ZFPM2: variants seen among roughly 807,000 people sequenced by gnomAD.
The protein encoded by ZFPM2 is zinc finger protein, FOG family member 2.
Under a neutral mutation model 98.6 loss-of-function variants are expected in ZFPM2, and 20 were observed. The ratio of observed to expected loss-of-function variants is 0.20; its 90% CI spans 0.14 to 0.29. The LOEUF (loss-of-function observed/expected upper bound fraction) is 0.29. Among genes scored for constraint, ZFPM2 ranks in the 10% least tolerant of loss-of-function variants. ZFPM2 has a pLI of 1.00. For missense variants in ZFPM2, 1,310 were observed against 1,388.6 expected (o/e 0.94, Z 0.90); for synonymous variants, 518 against 502.7 (o/e 1.03, Z -0.41).
At chr8:105,414,209 A>C (rs1811633709) in intron 1 of ZFPM2, among the ~76,000 whole-genome samples, 1 of 152,074 alleles carries the variant, frequency 6.6e-6, no homozygotes, top group African/African-American at 2.4e-5. Context: ...TGTATAATAC[A>C]TTAATGCCAA....
intron 3 of ZFPM2, among the ~76,000 whole-genome samples, chr8:105,534,214 T>C (rs1814391955): frequency 1.6e-5 from 1 of 63,152 alleles, no homozygotes; most frequent in Admixed American, 1.4e-4. Context: ...CCTTCTTCCT[T>C]CTTTTCTTCC....
chr8:105,575,122 C>T (rs1277411564), intron 4 of ZFPM2, among the ~76,000 whole-genome samples: 9 of 152,076 alleles, frequency 5.9e-5, no homozygotes, highest in East Asian at 1.9e-4. Flanking sequence ...AGTGTCCCCC[C>T]GCCTCTGCTG....
intron 6 of ZFPM2, chr8:105,796,807 ACT>A (rs1491444126): frequency 6.6e-6 from 1 of 152,132 alleles, no homozygotes; most frequent in Non-Finnish European, 1.5e-5. Flanking sequence ...AACATGTGCC[ACT>A]GTTTGCCTGG....
intron 1 of ZFPM2, among the ~76,000 whole-genome samples, chr8:105,377,184 C>T (rs763629495): frequency 6.6e-6 from 1 of 152,156 alleles, no homozygotes; most frequent in Non-Finnish European, 1.5e-5. Flanking sequence ...TCAAGGAGGG[C>T]TTCCCTGACT....
At chr8:105,726,850 C>T (rs910958614) in intron 5 of ZFPM2, among the ~76,000 whole-genome samples, 7 of 151,538 alleles carry the variant, frequency 4.6e-5, no homozygotes, top group African/African-American at 1.7e-4. Flanking sequence ...CCTAAATAAG[C>T]TAAGGACAGG....
intron 3 of ZFPM2, among the ~76,000 whole-genome samples, chr8:105,489,467 T>TATATATATATATATATATATATATA (rs372429625): frequency 9.1e-5 from 8 of 88,020 alleles, no homozygotes; most frequent in African/African-American, 4.3e-4. Context: ...TATATATATA[T>TATATATATATATATATATATATATA]TTTTTTTTTT....
At chr8:105,677,545 C>T (rs1335593583) in intron 5 of ZFPM2, among the ~76,000 whole-genome samples, 2 of 151,826 alleles carry the variant, frequency 1.3e-5, no homozygotes, top group Non-Finnish European at 2.9e-5. Context: ...TCTGAAAACA[C>T]CATGAATTCC....
intron 4 of ZFPM2, among the ~76,000 whole-genome samples, chr8:105,568,585 GT>G (rs1304769281): frequency 2.0e-5 from 3 of 152,104 alleles, no homozygotes; most frequent in African/African-American, 7.2e-5. Context: ...CGTAATGATT[GT>G]TCTCCTCTTT....
intron 1 of ZFPM2, among the ~76,000 whole-genome samples, chr8:105,382,039 C>G (rs1270791701): frequency 6.6e-6 from 1 of 152,026 alleles, no homozygotes; most frequent in Admixed American, 6.6e-5. Flanking sequence ...ATTCAAGATT[C>G]AAAATTTATT....
intron 5 of ZFPM2, among the ~76,000 whole-genome samples, chr8:105,785,808 C>T (rs1164291192): frequency 5.9e-5 from 9 of 151,960 alleles, no homozygotes; most frequent in African/African-American, 1.5e-4. Context: ...TTTGGGAGGC[C>T]GAGGCGGGTG....
At chr8:105,439,158 G>A (rs143624508) in intron 2 of ZFPM2, among the ~76,000 whole-genome samples, 68 of 152,266 alleles carry the variant, frequency 4.5e-4, no homozygotes, top group South Asian at 2.7e-3. Flanking sequence ...ACTCCTTTGT[G>A]TGAATGTAAG....
intron 5 of ZFPM2, among the ~76,000 whole-genome samples, chr8:105,728,667 C>G (rs1811866862): frequency 6.6e-6 from 1 of 151,760 alleles, no homozygotes; most frequent in African/African-American, 2.4e-5. Flanking sequence ...ATCATTAAAT[C>G]TCGTGCAAAG....
chr8:105,578,576 C>T (rs773605680), intron 4 of ZFPM2, among the ~76,000 whole-genome samples: 1 of 152,016 alleles, frequency 6.6e-6, no homozygotes, highest in Non-Finnish European at 1.5e-5. Context: ...TTCATGTTGA[C>T]CAATTGTAAA....
chr8:105,714,292 T>C (rs1253499257), intron 5 of ZFPM2, among the ~76,000 whole-genome samples: 1 of 152,066 alleles, frequency 6.6e-6, no homozygotes, highest in African/African-American at 2.4e-5. Flanking sequence ...ACAGAAATGC[T>C]ACTGATTTGT....
intron 5 of ZFPM2, among the ~76,000 whole-genome samples, chr8:105,694,080 G>A (rs757640543): frequency 5.5e-5 from 8 of 145,980 alleles, no homozygotes; most frequent in South Asian, 4.3e-4. Flanking sequence ...TCTGCCTCTC[G>A]GGTTCACACC....
At chr8:105,563,974 A>T (rs1815192511) in intron 4 of ZFPM2, among the ~76,000 whole-genome samples, 2 of 152,216 alleles carry the variant, frequency 1.3e-5, no homozygotes, top group Admixed American at 1.3e-4. Context: ...TACTCTCTGT[A>T]TGTATACAGA....
chr8:105,593,652 G>GAA (rs57938920), intron 4 of ZFPM2, among the ~76,000 whole-genome samples: 34 of 109,448 alleles, frequency 3.1e-4, no homozygotes, highest in East Asian at 2.6e-3. Flanking sequence ...TCCATTCCAA[G>GAA]AAAAAAAAAA....
intron 4 of ZFPM2, among the ~76,000 whole-genome samples, chr8:105,583,656 G>T (rs1414634247): frequency 6.6e-6 from 1 of 152,116 alleles, no homozygotes; most frequent in Non-Finnish European, 1.5e-5. Flanking sequence ...AAACAAAGGG[G>T]GCTAGAGGTG....
rs755810063 is a variant in ZFPM2, at chr8:105,444,341, G to T, written c.261G>T (p.Pro87=). The change falls in exon 3 of 8, where the codon CCG becomes CCT. Residue 87 remains proline (P), a synonymous_variant. Coordinates refer to ENST00000407775, the MANE Select transcript of ZFPM2 (RefSeq NM_012082.4). ...ESDGDTQSEK[P]GQPGVETDDW... is the part of the protein sequence containing the mutation. ...ATGGGGACACACAGTCAGAGAAACCGGGGCAACCTGGAGTTGAGACAGACG... is the reference window on the plus strand; with the variant it reads ...ATGGGGACACACAGTCAGAGAAACCTGGGCAACCTGGAGTTGAGACAGACG... 2.5e-5 allele frequency: 41 copies of T among 1,612,218 alleles called. No homozygotes were observed. Among genetic ancestry groups the T allele is most frequent in the Non-Finnish European group, 3.4e-5 (40 of 1,179,218 alleles).
Sources: allele counts gnomAD v4.1 joint callset (sites outside exome capture counted in the v4.1 genomes callset), GRCh38; gene constraint gnomAD v4.1.1; transcripts MANE v1.5; gene names NCBI Gene and HGNC (gene_info 2026-07-23, HGNC 2026-07-21).